Variants in SYT1 observed in about 807,000 individuals in gnomAD.
The protein encoded by SYT1 is synaptotagmin-1.
In SYT1, 8 loss-of-function variants were observed where a neutral mutation model predicts 44.8. The ratio of observed to expected loss-of-function variants is 0.18; its 90% confidence interval spans 0.10 to 0.32. The LOEUF is 0.32. Among genes scored for constraint, SYT1 ranks in the 10% least tolerant of loss-of-function variants. The probability of loss-of-function intolerance (pLI) is 1.00; values close to 1 mark genes in which losing one functional copy is unlikely to be tolerated. For synonymous variants in SYT1, 154 were observed against 188.8 expected (o/e 0.82, Z 1.51); for missense variants, 286 against 509.3 (o/e 0.56, Z 4.22).
At chr12:79,103,223 G>A (rs1258073745) in intron 3 of SYT1, among the ~76,000 whole-genome samples, 2 of 151,980 alleles carry the variant, frequency 1.3e-5, no homozygotes, top group African/African-American at 4.8e-5. Context: ...GTGAAGACAT[G>A]AATATTCAAA....
chr12:78,864,794 T>A lies in SYT1; in HGVS notation c.-532T>A, dbSNP rs1223181528. On this transcript the variant is annotated 5_prime_UTR_variant, in exon 1 of 11. Coordinates refer to ENST00000261205, the MANE Select transcript of SYT1 (RefSeq NM_005639.3). ...CCCCCAGTGTCTTTCCACCTCCTCC[T>A]GCAGCAGCGGCAGCGGCAGCAGCAG... The A allele has an allele frequency of 6.3e-6, 1 of 157,924 alleles. No individual in the cohort carries two copies. The highest frequency in any genetic ancestry group is 2.4e-5 in the African/African-American group (1 of 41,492). 9.8% of individuals were successfully genotyped at this position (157,924 alleles called of 1,614,324 possible). A position where few individuals can be genotyped will look rare whatever the true frequency, so the allele number is the denominator to read the frequency against.
chr12:79,185,707 G>C (rs1592833916), intron 3 of SYT1, among the ~76,000 whole-genome samples: 1 of 151,972 alleles, frequency 6.6e-6, no homozygotes, highest in East Asian at 1.9e-4. Context: ...GTATATAGAA[G>C]TGACTTGAAA....
chr12:79,292,554 A>G (rs538625399), intron 6 of SYT1, among the ~76,000 whole-genome samples: 1 of 152,310 alleles, frequency 6.6e-6, no homozygotes, highest in Admixed American at 6.5e-5. Context: ...TTGAAAAATA[A>G]TATAATGATT....
chr12:79,176,274 A>G (rs951086188), intron 3 of SYT1, among the ~76,000 whole-genome samples: 6 of 139,160 alleles, frequency 4.3e-5, no homozygotes, highest in African/African-American at 1.7e-4. Context: ...GGGCAACAAG[A>G]GCGAAATTCT....
intron 9 of SYT1, among the ~76,000 whole-genome samples, chr12:79,363,343 A>G (rs1883393872): frequency 6.6e-6 from 1 of 152,086 alleles, no homozygotes; most frequent in African/African-American, 2.4e-5. Flanking sequence ...AGTAAAGCCT[A>G]TAATAGGTGA....
rs546429325 is a variant in SYT1, at chr12:79,018,238, G to A, written c.-83-29059G>A. ...AAACCATCATTCTCAGCAAACTATC[G>A]CAAGGACAAAAAACCAAACACCACA... is the stretch of plus-strand genomic sequence containing the variant. On this transcript the variant is annotated intron_variant, in intron 2 of 10. Coordinates refer to ENST00000261205, the MANE Select transcript of SYT1 (RefSeq NM_005639.3). Among the ~76,000 whole-genome samples, 335 of 150,490 alleles carry A rather than the reference G, an allele frequency of 2.2e-3. 4 individuals are homozygous for A. The highest frequency in any genetic ancestry group is 7.8e-3 in the African/African-American group (318 of 40,968).
rs115402463 is a variant in SYT1 at position 79,256,572 on chromosome 12, T to C, written c.167-29215T>C. The stretch of plus-strand genomic sequence containing the variant: ...TGAATATTTTTATCAAGTCCAGTGA[T>C]AGAAACATGTATTTTCTCATGCTGT... On this transcript the variant is annotated intron_variant, in intron 4 of 10. Transcript: ENST00000261205. Among the ~76,000 whole-genome samples, 1,218 of 151,684 alleles carry C rather than the reference T, an allele frequency of 8.0e-3. 12 individuals are homozygous for C. The highest frequency in any genetic ancestry group is 0.026 in the African/African-American group (1,090 of 41,528).
At chr12:78,940,145 T>A (rs1352461016) in intron 1 of SYT1, among the ~76,000 whole-genome samples, 1 of 152,172 alleles carries the variant, frequency 6.6e-6, no homozygotes, top group Non-Finnish European at 1.5e-5. Flanking sequence ...TACTCTTTAC[T>A]TAGTCACTAC....
intron 2 of SYT1, among the ~76,000 whole-genome samples, chr12:78,978,207 A>C (rs1661974841): frequency 1.3e-5 from 2 of 152,170 alleles, no homozygotes; most frequent in Admixed American, 6.5e-5. Context: ...GCTTTCTCCC[A>C]CTGTCATTTT....
chr12:78,942,811 C>T (rs187525709), intron 1 of SYT1, among the ~76,000 whole-genome samples: 3 of 152,198 alleles, frequency 2.0e-5, no homozygotes, highest in African/African-American at 4.8e-5. Context: ...AGCCGAGGGT[C>T]GACAGAAAGG....
intron 3 of SYT1, among the ~76,000 whole-genome samples, chr12:79,057,649 T>C (rs1244288668): frequency 6.6e-6 from 1 of 152,048 alleles, no homozygotes; most frequent in Non-Finnish European, 1.5e-5. Flanking sequence ...ATTTTTTTTC[T>C]AATTTTGCAC....
intron 8 of SYT1, among the ~76,000 whole-genome samples, chr12:79,310,399 A>C (rs999057460): frequency 6.6e-6 from 1 of 152,034 alleles, no homozygotes; most frequent in Non-Finnish European, 1.5e-5. Flanking sequence ...TACCAGTACC[A>C]TGCTGTTTTG....
intron 8 of SYT1, among the ~76,000 whole-genome samples, chr12:79,329,738 C>T (rs1881772979): frequency 6.6e-6 from 1 of 152,176 alleles, no homozygotes; most frequent in Non-Finnish European, 1.5e-5. Flanking sequence ...GTCTGTCTGA[C>T]TTAAGGCTTC....
At chr12:78,967,877 A>G (rs1442116031) in intron 1 of SYT1, among the ~76,000 whole-genome samples, 1 of 152,164 alleles carries the variant, frequency 6.6e-6, no homozygotes, top group Non-Finnish European at 1.5e-5. Flanking sequence ...AACTAGAAAA[A>G]ACAAAATGTG....
intron 3 of SYT1, among the ~76,000 whole-genome samples, chr12:79,206,040 G>A (rs56787751): frequency 0.062 from 9,408 of 152,016 alleles, 578 homozygotes; most frequent in African/African-American, 0.16. Context: ...GTTGAAAACA[G>A]TTTCAAAAAT....
chr12:79,439,028 A>G (rs1193611989), intron 9 of SYT1, among the ~76,000 whole-genome samples: 1 of 152,200 alleles, frequency 6.6e-6, no homozygotes, highest in Non-Finnish European at 1.5e-5. Flanking sequence ...CAACCAATAC[A>G]TACTACCACA....
At chr12:79,303,832 T>A (rs1169232993) in intron 8 of SYT1, among the ~76,000 whole-genome samples, 1 of 152,206 alleles carries the variant, frequency 6.6e-6, no homozygotes, top group East Asian at 1.9e-4. Context: ...TCATTATTCC[T>A]TATGGCATCT....
intron 3 of SYT1, among the ~76,000 whole-genome samples, chr12:79,093,039 CAAA>C (rs1226020750): frequency 6.6e-6 from 1 of 151,544 alleles, no homozygotes; most frequent in Non-Finnish European, 1.5e-5. Context: ...AATTATAACT[CAAA>C]GAAGGTTAAA....
At chr12:78,999,471 C>A (rs1056441913) in intron 2 of SYT1, among the ~76,000 whole-genome samples, 30 of 152,062 alleles carry the variant, frequency 2.0e-4, no homozygotes, top group Non-Finnish European at 2.1e-4. Flanking sequence ...TTCTGACAGC[C>A]CTTCTAATGA....
Sources: gnomAD v4.1 joint callset for allele counts (sites outside exome capture counted in the v4.1 genomes callset) on GRCh38, gnomAD v4.1.1 for gene constraint, MANE v1.5 for transcripts, NCBI Gene and HGNC (gene_info 2026-07-23, HGNC 2026-07-21) for gene names.